Variants in PRKN observed in about 807,000 individuals in gnomAD.
PRKN encodes the protein parkin RBR E3 ubiquitin protein ligase, also known as E3 ubiquitin-protein ligase parkin.
PRKN carries 56 observed loss-of-function variants against 59.5 expected under a neutral mutation model. The ratio of observed to expected loss-of-function variants is 0.94; its 90% CI spans 0.76 to 1.18. PRKN has a LOEUF of 1.18. PRKN is among the 50% of genes most tolerant of loss of function. The pLI, the probability that PRKN is intolerant of heterozygous loss-of-function variation, is 0.00. For missense variants in PRKN, 657 were observed against 596.4 expected, an observed-to-expected ratio of 1.10 and a Z score of -1.06; for synonymous variants, 250 against 222.1, an observed-to-expected ratio of 1.13 and a Z score of -1.12.
At chr6:162,371,972 C>G (rs749244632) in intron 2 of PRKN, among the ~76,000 whole-genome samples, 3 of 152,142 alleles carry the variant, frequency 2.0e-5, no homozygotes, top group African/African-American at 4.8e-5. Context: ...TGCTCCAGCA[C>G]CTTCTTGACA....
At position 161,461,740 on chromosome 6, in the gene PRKN, G is replaced by A. The variant is rs1292876469; in HGVS notation, c.1084-74863C>T. Among the ~76,000 whole-genome samples the A allele has an allele frequency of 6.6e-6, 1 of 152,044 alleles. No homozygotes were observed. The highest frequency in any genetic ancestry group is 1.5e-5 in the Non-Finnish European group (1 of 68,018). On this transcript the variant is annotated intron_variant, in intron 9 of 11. Transcript: ENST00000366898. The surrounding 1 kb of genome is among the most constrained non-coding windows in gnomAD (Gnocchi z 5.1). ...AGGTGGAAAAATGAGCTCAAATATT[G>A]ACATTTTACATTTGAAATGCTTATG... is the stretch of plus-strand genomic sequence containing the variant.
chr6:162,153,188 C>T (rs1782348127), intron 4 of PRKN, among the ~76,000 whole-genome samples: 1 of 152,254 alleles, frequency 6.6e-6, no homozygotes, highest in South Asian at 2.1e-4. Context: ...AAACCCCTCA[C>T]AGGAGGGAGC....
Position 161,484,908 on chromosome 6 carries a change from G to A in PRKN, c.1083+63946C>T, listed in dbSNP as rs1422823729. Among the ~76,000 whole-genome samples the A allele has an allele frequency of 1.3e-5, 2 of 151,030 alleles. No homozygotes were observed. The highest frequency in any genetic ancestry group is 2.9e-5 in the Non-Finnish European group (2 of 68,010). ...GCTCCTAACCACCTGCCCCTCAAAG[G>A]TGTCTGCTCCTAACCACCTGCCTTT... On this transcript the variant is annotated intron_variant, in intron 9 of 11. Transcript: ENST00000366898. This position sits in a 1 kb window ranked among gnomAD's most constrained non-coding sequence, Gnocchi z 4.9.
rs147119523 is a variant in PRKN, at chr6:161,509,608, G to A, written c.1083+39246C>T. Among the ~76,000 whole-genome samples, 705 of 140,268 alleles carry A rather than the reference G, an allele frequency of 5.0e-3. 3 individuals carry two copies. Among genetic ancestry groups the A allele is most frequent in the African/African-American group, 0.017 (643 of 37,882 alleles). 92.0% of individuals were successfully genotyped at this position (140,268 alleles called of 152,430 possible). On this transcript the variant is annotated intron_variant, in intron 9 of 11. Transcript: ENST00000366898. ...AAAAAAAGAAAAAAAGGCTGGGCACGGTGGCTTACACCTGTAATCTCAACA... is the reference window on the plus strand; with the variant it reads ...AAAAAAAGAAAAAAAGGCTGGGCACAGTGGCTTACACCTGTAATCTCAACA...
At chr6:161,898,617 C>T (rs926572145) in intron 6 of PRKN, among the ~76,000 whole-genome samples, 3 of 152,164 alleles carry the variant, frequency 2.0e-5, no homozygotes, top group Non-Finnish European at 2.9e-5. Flanking sequence ...AAGTTGCGGG[C>T]ATCTTTGCTG....
At chr6:162,442,549 A>C (rs537103365) in intron 2 of PRKN, among the ~76,000 whole-genome samples, 1 of 152,250 alleles carries the variant, frequency 6.6e-6, no homozygotes, top group East Asian at 1.9e-4. Context: ...AGTCCCCCTA[A>C]TTCCTACAAA....
chr6:162,234,963 G>A (rs1778583947), intron 3 of PRKN, among the ~76,000 whole-genome samples: 1 of 152,196 alleles, frequency 6.6e-6, no homozygotes, highest in Non-Finnish European at 1.5e-5. Context: ...GCAGTTTAGT[G>A]CTTTGGGAAT....
chr6:161,424,336 C>CAA (rs56268660), intron 9 of PRKN, among the ~76,000 whole-genome samples: 46 of 109,174 alleles, frequency 4.2e-4, no homozygotes, highest in African/African-American at 1.5e-3. Flanking sequence ...GATTCTGTCT[C>CAA]AAAAAAAAAA....
chr6:161,925,231 C>T (rs1045165729), intron 6 of PRKN, among the ~76,000 whole-genome samples: 1 of 152,022 alleles, frequency 6.6e-6, no homozygotes, highest in Non-Finnish European at 1.5e-5. Context: ...TACACTTTTT[C>T]AATATGATAG....
At position 161,352,626 on chromosome 6, in the gene PRKN, TTAA is replaced by T. The variant is rs1398075499; in HGVS notation, c.1286-2418_1286-2416del. 2.0e-5 allele frequency among the ~76,000 whole-genome samples: 3 copies of T among 151,304 alleles called. No individual in the cohort carries two copies. In the East Asian group the frequency reaches 5.8e-4, roughly 29 times the overall value. ...AAATTATTGAGCAATACATTAAAAC[TTAA>T]TGAACTATTAAAGCAATTCTAAATG... is the stretch of plus-strand genomic sequence containing the variant. On this transcript the variant is annotated intron_variant, in intron 11 of 11. Coordinates refer to ENST00000366898, the MANE Select transcript of PRKN (RefSeq NM_004562.3). This position sits in a 1 kb window ranked among gnomAD's most constrained non-coding sequence, Gnocchi z 5.8.
At chr6:161,709,437 T>C (rs1224386396) in intron 7 of PRKN, among the ~76,000 whole-genome samples, 1 of 152,218 alleles carries the variant, frequency 6.6e-6, no homozygotes, top group Non-Finnish European at 1.5e-5. Context: ...CATTTCTTGC[T>C]TTTCTCTCAT....
Position 161,357,198 on chromosome 6 carries a change from T to C in PRKN, c.1285+2890A>G, listed in dbSNP as rs565158551. Among the ~76,000 whole-genome samples the C allele has an allele frequency of 4.6e-4, 70 of 152,176 alleles. 1 individual carries two copies. Among genetic ancestry groups the C allele is most frequent in the African/African-American group, 1.4e-3 (57 of 41,524 alleles). On this transcript the variant is annotated intron_variant, in intron 11 of 11. Coordinates refer to ENST00000366898, the MANE Select transcript of PRKN (RefSeq NM_004562.3). This position sits in a 1 kb window ranked among gnomAD's most constrained non-coding sequence, Gnocchi z 5.5. Reference sequence around the variant, plus strand: ...TCCCAAGCAGTTGGGACTACAGGCATGTACCACCATGCCCAGCTAACTTTT... The same window carrying C: ...TCCCAAGCAGTTGGGACTACAGGCACGTACCACCATGCCCAGCTAACTTTT...
In PRKN at chr6:162,014,442, C is replaced by T. The variant is rs115242874; in HGVS notation, c.618+39649G>A. Among the ~76,000 whole-genome samples, 998 of 152,280 alleles carry T rather than the reference C, an allele frequency of 6.6e-3. 11 individuals carry two copies. Among genetic ancestry groups the T allele is most frequent in the African/African-American group, 0.022 (921 of 41,564 alleles). On this transcript the variant is annotated intron_variant, in intron 5 of 11. Transcript: ENST00000366898. ...GCCTCCTTCCAGGAGGAGGGGAAACCTTGAAGACATGCTTCCTCACTGTGA... is the reference window on the plus strand; with the variant it reads ...GCCTCCTTCCAGGAGGAGGGGAAACTTTGAAGACATGCTTCCTCACTGTGA...
chr6:161,570,922 G>A (rs184027599), intron 7 of PRKN, among the ~76,000 whole-genome samples: 21 of 152,140 alleles, frequency 1.4e-4, no homozygotes, highest in Non-Finnish European at 1.9e-4. Flanking sequence ...ACTATTCCTC[G>A]ATATTAGGTT....
At position 162,505,209 on chromosome 6, in the gene PRKN, T is replaced by C. The variant is rs1017600386; in HGVS notation, c.8-61736A>G. On this transcript the variant is annotated intron_variant, in intron 1 of 11. Transcript: ENST00000366898. ...TCGTACCTATGTTCTAGGGGCACTA[T>C]TTTCATATGTTCAAGTAAACACGTA... 3.9e-5 allele frequency among the ~76,000 whole-genome samples: 6 copies of C among 152,300 alleles called. No individual in the cohort carries two copies. In the East Asian group the frequency reaches 9.6e-4, roughly 24 times the overall value.
intron 1 of PRKN, among the ~76,000 whole-genome samples, chr6:162,531,399 C>T (rs1173705453): frequency 6.6e-6 from 1 of 152,128 alleles, no homozygotes; most frequent in Non-Finnish European, 1.5e-5. Flanking sequence ...TGCGGGAGAC[C>T]TGAGTTTTAT....
chr6:161,350,927 A>T (rs1445138565), intron 11 of PRKN, among the ~76,000 whole-genome samples: 1 of 85,002 alleles, frequency 1.2e-5, no homozygotes, highest in Non-Finnish European at 1.9e-5. Flanking sequence ...TTTATATTTA[A>T]AATATATATA....
intron 7 of PRKN, among the ~76,000 whole-genome samples, chr6:161,649,850 C>A (rs1784087403): frequency 6.6e-6 from 1 of 152,182 alleles, no homozygotes; most frequent in South Asian, 2.1e-4. Context: ...GTGTCTCAAC[C>A]AACAGGGTAC....
Position 162,418,704 on chromosome 6 carries a change from G to C in PRKN, c.171+24606C>G, listed in dbSNP as rs183046710. Among the ~76,000 whole-genome samples the C allele has an allele frequency of 5.2e-3, 781 of 150,334 alleles. 6 individuals are homozygous for C. The highest frequency in any genetic ancestry group is 0.018 in the African/African-American group (719 of 40,756). ...GGAACCTGTGGAAAACACCCATTAG[G>C]AGGGCAGATGGACCCAGTGGCTGAT... is the stretch of plus-strand genomic sequence containing the variant. On this transcript the variant is annotated intron_variant, in intron 2 of 11. Transcript: ENST00000366898.
Sources: allele counts gnomAD v4.1 joint callset (sites outside exome capture counted in the v4.1 genomes callset), GRCh38; gene constraint gnomAD v4.1.1; non-coding constraint Gnocchi (gnomAD v3.1); transcripts MANE v1.5; gene names NCBI Gene and HGNC (gene_info 2026-07-23, HGNC 2026-07-21).